EPHX1: variants seen among roughly 807,000 people sequenced by gnomAD.
The protein encoded by EPHX1 is epoxide hydratase.
In EPHX1, 40 loss-of-function variants were observed where a neutral mutation model predicts 43.2. The ratio of observed to expected loss-of-function variants is 0.93; its 90% CI spans 0.72 to 1.21. EPHX1 has a LOEUF of 1.21. EPHX1 is among the 50% of genes most tolerant of loss of function. The probability of loss-of-function intolerance (pLI) is 0.00; values close to 1 mark genes in which losing one functional copy is unlikely to be tolerated. For missense variants in EPHX1, 550 were observed against 570.4 expected (o/e 0.96, Z 0.36); for synonymous variants, 221 against 226.7 (o/e 0.98, Z 0.22).
chr1:225,810,759 G>C lies in EPHX1; in HGVS notation c.-6+590G>C, dbSNP rs1666440020. The C allele has an allele frequency of 2.6e-5, 3 of 116,078 alleles. No homozygotes were observed. In the Admixed American group the frequency reaches 2.7e-4, roughly 10 times the overall value. The allele number at this position is 116,078 out of a possible 1,614,324, so 7.2% of individuals were successfully genotyped here. On this transcript the variant is annotated intron_variant, in intron 1 of 8. Transcript: ENST00000272167. ...CAGTCAAAGGGGGGTTCTCTGGCGG[G>C]CAGAGTGGGGGGGGTCACAAGGTGC... is the stretch of plus-strand genomic sequence containing the variant.
At chr1:225,816,826 C>G (rs1274618568) in intron 1 of EPHX1, among the ~76,000 whole-genome samples, 2 of 152,180 alleles carry the variant, frequency 1.3e-5, no homozygotes, top group Non-Finnish European at 2.9e-5. Context: ...CGGGCTGGCT[C>G]GGGGCTCCCT....
chr1:225,814,445 C>T (rs1484798865), intron 1 of EPHX1, among the ~76,000 whole-genome samples: 1 of 152,242 alleles, frequency 6.6e-6, no homozygotes. Context: ...AGTCTTCCCA[C>T]CCCAGTGTCA....
At chr1:225,812,238 C>T (rs1666517881) in intron 1 of EPHX1, among the ~76,000 whole-genome samples, 1 of 152,214 alleles carries the variant, frequency 6.6e-6, no homozygotes. Context: ...GCCTTCTTCC[C>T]AATTCCAGGA....
At chr1:225,826,524 C>T (rs186571155) in intron 1 of EPHX1, among the ~76,000 whole-genome samples, 19 of 150,300 alleles carry the variant, frequency 1.3e-4, no homozygotes, top group African/African-American at 4.6e-4. Context: ...ACGTGTCCCA[C>T]GTGTCTCCAG....
chr1:225,830,321 T>G (rs149543656), intron 2 of EPHX1, among the ~76,000 whole-genome samples: 1 of 152,094 alleles, frequency 6.6e-6, no homozygotes. Flanking sequence ...CAAAATCTGT[T>G]TGGGGGTAAC....
At chr1:225,818,255 A>G (rs1383974728) in intron 1 of EPHX1, among the ~76,000 whole-genome samples, 1 of 152,192 alleles carries the variant, frequency 6.6e-6, no homozygotes, top group Non-Finnish European at 1.5e-5. Flanking sequence ...TCATTCATTC[A>G]TTCAACAAAT....
chr1:225,826,506 A>C (rs1167663419), intron 1 of EPHX1, among the ~76,000 whole-genome samples: 3 of 151,188 alleles, frequency 2.0e-5, no homozygotes, highest in African/African-American at 7.3e-5. Context: ...GAGATGGAAC[A>C]TGCATCAACG....
intron 6 of EPHX1, among the ~76,000 whole-genome samples, chr1:225,841,763 T>A (rs1348461388): frequency 6.6e-6 from 1 of 151,810 alleles, no homozygotes; most frequent in Non-Finnish European, 1.5e-5. Flanking sequence ...CACCATGCCC[T>A]GCTAATTTTT....
At chr1:225,811,234 T>A (rs965373248) in intron 1 of EPHX1, among the ~76,000 whole-genome samples, 1 of 152,230 alleles carries the variant, frequency 6.6e-6, no homozygotes, top group Non-Finnish European at 1.5e-5. Context: ...TTCTGGCTCC[T>A]TCCTTGCCCT....
rs140589928 is a variant in EPHX1, at chr1:225,823,428, C to T, written c.-5-5297C>T. Among the ~76,000 whole-genome samples, 15 of 152,276 alleles carry T rather than the reference C, an allele frequency of 9.9e-5. No individual in the cohort carries two copies. The East Asian group carries it at 2.3e-3, about 24-fold the overall frequency. On this transcript the variant is annotated intron_variant, in intron 1 of 8. Transcript: ENST00000272167. ...AGGGAGCCATGGGATGGGGAGTCTCCGGGAAACCCAGGCTGGCTCCTTAAA... is the reference window on the plus strand; with the variant it reads ...AGGGAGCCATGGGATGGGGAGTCTCTGGGAAACCCAGGCTGGCTCCTTAAA...
In EPHX1 at chr1:225,828,872, T is replaced by TC; in HGVS notation, c.145dup (p.Arg49ProfsTer10). The TC allele has an allele frequency of 6.2e-7, 1 of 1,601,314 alleles. No homozygotes were observed. Among genetic ancestry groups the TC allele is most frequent in the Admixed American group, 1.7e-5 (1 of 58,644 alleles). ...TCCGCAGCCAGGGAGGACGACAGCA[T>TC]CCGCCCTTTCAAGGTGGAAACGTCA... On this transcript the variant is annotated frameshift_variant, in exon 2 of 9. Transcript: ENST00000272167. LOFTEE classifies it high-confidence loss of function.
chr1:225,812,229 C>A (rs767020783), intron 1 of EPHX1, among the ~76,000 whole-genome samples: 1 of 152,202 alleles, frequency 6.6e-6, no homozygotes, highest in Admixed American at 6.5e-5. Context: ...CTTTCTGCGG[C>A]CTTCTTCCCA....
chr1:225,828,742 ATCC>A lies in EPHX1; in HGVS notation c.19_21del (p.Leu7del). ...TCTTGCAGGAGCCATGTGGCTAGAA[ATCC>A]TCCTCACTTCAGTGCTGGGCTTTGC... On this transcript the variant is annotated inframe_deletion, in exon 2 of 9. Coordinates refer to ENST00000272167, the MANE Select transcript of EPHX1 (RefSeq NM_001136018.4). 3 of 1,612,198 alleles carry A rather than the reference ATCC, an allele frequency of 1.9e-6. No homozygotes were observed. The highest frequency in any genetic ancestry group is 2.2e-5 in the South Asian group (2 of 90,964).
chr1:225,837,070 T>C (rs530606753), intron 3 of EPHX1, among the ~76,000 whole-genome samples: 2 of 152,236 alleles, frequency 1.3e-5, no homozygotes, highest in East Asian at 3.9e-4. Context: ...ACCCGGTGGG[T>C]GTGAGGTATA....
intron 1 of EPHX1, among the ~76,000 whole-genome samples, chr1:225,827,553 G>T (rs916171248): frequency 5.3e-5 from 8 of 152,184 alleles, no homozygotes; most frequent in African/African-American, 1.9e-4. Context: ...GACAAATGGG[G>T]ATTAAAAGAC....
At chr1:225,843,179 G>T (rs1006549647) in intron 7 of EPHX1, among the ~76,000 whole-genome samples, 1 of 151,344 alleles carries the variant, frequency 6.6e-6, no homozygotes, top group Admixed American at 6.6e-5. Flanking sequence ...GAATGAATGC[G>T]CAAAGGACTG....
At chr1:225,831,377 C>T (rs548102061) in intron 2 of EPHX1, among the ~76,000 whole-genome samples, 7 of 152,086 alleles carry the variant, frequency 4.6e-5, no homozygotes, top group East Asian at 3.9e-4. Context: ...GGCAAAACCC[C>T]GTCTCTACTA....
At position 225,845,416 on chromosome 1, in the gene EPHX1, C is replaced by T. The variant is rs1180681026; in HGVS notation, c.*69C>T. 9 of 1,488,474 alleles carry T rather than the reference C, an allele frequency of 6.0e-6. No individual in the cohort carries two copies. In the Admixed American group the frequency reaches 1.6e-4, roughly 26 times the overall value. 92.2% of individuals were successfully genotyped at this position (1,488,474 alleles called of 1,614,324 possible). ...CTCCAGGCTTTTCTTGGGGAAGATA[C>T]CCCTTTTCTGAGGAATGAGTTTGCC... is the stretch of plus-strand genomic sequence containing the variant. On this transcript the variant is annotated 3_prime_UTR_variant, in exon 9 of 9. Transcript: ENST00000272167.
At position 225,839,946 on chromosome 1, in the gene EPHX1, G is replaced by A. The variant is rs770041201; in HGVS notation, c.840G>A (p.Glu280=). 1.2e-6 allele frequency: 2 copies of A among 1,614,234 alleles called. No individual in the cohort carries two copies. Among genetic ancestry groups the A allele is most frequent in the South Asian group, 2.2e-5 (2 of 91,084 alleles). Residue 280 remains glutamate (E), a synonymous_variant, in exon 6 of 9, where the codon GAG becomes GAA. Coordinates refer to ENST00000272167, the MANE Select transcript of EPHX1 (RefSeq NM_001136018.4). ...RFLGLTERDV[E]LLYPVKEKVF... is the part of the protein sequence containing the mutation. ...TTGGCCTCACTGAGAGGGATGTGGA[G>A]CTGCTGTACCCCGTCAAGGAGAAGG...
Sources: gnomAD v4.1 joint callset for allele counts (sites outside exome capture counted in the v4.1 genomes callset) on GRCh38, gnomAD v4.1.1 for gene constraint, MANE v1.5 for transcripts, NCBI Gene and HGNC (gene_info 2026-07-23, HGNC 2026-07-21) for gene names.